The following SHISA9 variants were observed in gnomAD, a reference collection of about 807,000 sequenced individuals.
SHISA9 encodes the protein shisa family member 9.
A neutral mutation model predicts 38.0 loss-of-function variants in SHISA9; 13 were observed. The ratio of observed to expected loss-of-function variants is 0.34; its 90% confidence interval spans 0.22 to 0.54. SHISA9 has a LOEUF of 0.54. Ranked by LOEUF, SHISA9 falls within the 20% of genes least tolerant of loss-of-function variation. The pLI, the probability that SHISA9 is intolerant of heterozygous loss-of-function variation, is 0.91. For missense variants in SHISA9, 538 were observed against 575.8 expected (o/e 0.93, Z 0.67); for synonymous variants, 275 against 242.0 (o/e 1.14, Z -1.27).
chr16:13,145,633 G>A (rs530122027), intron 2 of SHISA9, among the ~76,000 whole-genome samples: 7 of 152,314 alleles, frequency 4.6e-5, no homozygotes, highest in Admixed American at 2.6e-4. Flanking sequence ...GGGAATAATC[G>A]TGATTTTTGT....
the SHISA9 span, among the ~76,000 whole-genome samples, chr16:13,520,284 T>C: frequency 6.6e-6 from 1 of 152,222 alleles, no homozygotes; most frequent in Admixed American, 6.5e-5. Context: ...GCTGCCATCA[T>C]TGATGGTGAT....
At chr16:13,268,643 C>T in the SHISA9 span, among the ~76,000 whole-genome samples, 2 of 152,172 alleles carry the variant, frequency 1.3e-5, no homozygotes, top group African/African-American at 4.8e-5. Context: ...GTCTTGTTCT[C>T]ATCCTCAATG....
the SHISA9 span, among the ~76,000 whole-genome samples, chr16:13,443,218 T>G: frequency 2.0e-5 from 3 of 152,270 alleles, no homozygotes; most frequent in Admixed American, 6.5e-5. Flanking sequence ...GAAGAGATTT[T>G]ATTGAGGTTG....
At chr16:13,076,133 C>T (rs140661738) in intron 2 of SHISA9, among the ~76,000 whole-genome samples, 89 of 151,314 alleles carry the variant, frequency 5.9e-4, no homozygotes, top group African/African-American at 2.0e-3. Flanking sequence ...CATGTTCAAG[C>T]GATTCTCCTG....
At chr16:13,470,859 G>A in the SHISA9 span, among the ~76,000 whole-genome samples, 7 of 151,926 alleles carry the variant, frequency 4.6e-5, no homozygotes, top group Non-Finnish European at 7.4e-5. Context: ...AAAAAACACC[G>A]TAAATCTTAG....
chr16:13,084,085 G>C (rs1334219192), intron 2 of SHISA9, among the ~76,000 whole-genome samples: 2 of 129,914 alleles, frequency 1.5e-5, no homozygotes, highest in Non-Finnish European at 3.3e-5. Flanking sequence ...TTATTCATAT[G>C]ATCATAGTTT....
intron 2 of SHISA9, among the ~76,000 whole-genome samples, chr16:13,011,881 A>G (rs1041664493): frequency 6.6e-6 from 1 of 151,032 alleles, no homozygotes; most frequent in African/African-American, 2.4e-5. Flanking sequence ...GCTGGAGTAC[A>G]GTGGCATGAT....
At chr16:13,443,711 T>C in the SHISA9 span, among the ~76,000 whole-genome samples, 1,965 of 152,338 alleles carry the variant, frequency 0.013, 59 homozygotes, top group African/African-American at 0.045. Context: ...GTTCTGCGAC[T>C]TCTATGACAC....
At chr16:12,951,847 G>A (rs763741058) in intron 2 of SHISA9, among the ~76,000 whole-genome samples, 26 of 152,222 alleles carry the variant, frequency 1.7e-4, no homozygotes, top group Non-Finnish European at 3.2e-4. Context: ...GGAGCTTGGA[G>A]TATGAAACAC....
chr16:13,286,171 C>T, the SHISA9 span, among the ~76,000 whole-genome samples: 236 of 152,242 alleles, frequency 1.6e-3, 5 homozygotes, highest in East Asian at 0.038. Context: ...CAATATTCAT[C>T]TTACATCTAT....
intron 1 of SHISA9, among the ~76,000 whole-genome samples, chr16:12,915,896 G>A (rs1355575257): frequency 6.6e-6 from 1 of 151,860 alleles, no homozygotes; most frequent in East Asian, 1.9e-4. Flanking sequence ...ACATGATGGA[G>A]TGTAAAGAGA....
the SHISA9 span, among the ~76,000 whole-genome samples, chr16:13,268,777 C>T: frequency 1.3e-5 from 2 of 152,036 alleles, no homozygotes; most frequent in Non-Finnish European, 2.9e-5. Context: ...AACATGCATC[C>T]AGAATAAAAA....
At chr16:13,089,538 A>G (rs771362350) in intron 2 of SHISA9, among the ~76,000 whole-genome samples, 1 of 152,198 alleles carries the variant, frequency 6.6e-6, no homozygotes, top group Non-Finnish European at 1.5e-5. Context: ...GGGAGAGTGT[A>G]TGTGTCAAGG....
chr16:13,342,308 A>ATT, the SHISA9 span, among the ~76,000 whole-genome samples: 1 of 149,142 alleles, frequency 6.7e-6, no homozygotes, highest in Non-Finnish European at 1.5e-5. Context: ...AGCTTCCTAC[A>ATT]TTTTTTTTTT....
the SHISA9 span, among the ~76,000 whole-genome samples, chr16:13,247,790 G>A: frequency 2.0e-5 from 3 of 152,036 alleles, no homozygotes; most frequent in Non-Finnish European, 4.4e-5. Flanking sequence ...AAGTTCAGAG[G>A]TTTCAGTTAG....
chr16:13,496,926 A>T, the SHISA9 span, among the ~76,000 whole-genome samples: 3 of 152,306 alleles, frequency 2.0e-5, no homozygotes, highest in African/African-American at 7.2e-5. Context: ...TAGTATTATT[A>T]AAATGTCACT....
At chr16:13,351,150 C>T in the SHISA9 span, among the ~76,000 whole-genome samples, 2 of 152,128 alleles carry the variant, frequency 1.3e-5, no homozygotes, top group Non-Finnish European at 2.9e-5. Flanking sequence ...CAGAATCACA[C>T]AGCAAAAAGT....
At chr16:13,037,125 C>CAG (rs1567190861) in intron 2 of SHISA9, among the ~76,000 whole-genome samples, 5 of 147,034 alleles carry the variant, frequency 3.4e-5, no homozygotes, top group East Asian at 4.0e-4. Context: ...CACACACACA[C>CAG]ACACACACAC....
rs563948192 is a variant in SHISA9 at position 13,015,440 on chromosome 16, C to A, written c.691+98625C>A. On this transcript the variant is annotated intron_variant, in intron 2 of 4. Transcript: ENST00000558583. ...GCTCAAAGATGTTAAACAATTTGCC[C>A]AACTGATGAGTGGGAGATCCGATGT... is the stretch of plus-strand genomic sequence containing the variant. Among the ~76,000 whole-genome samples the A allele has an allele frequency of 1.2e-4, 18 of 152,334 alleles. No homozygotes were observed. In the South Asian group the frequency reaches 3.5e-3, roughly 30 times the overall value.
Sources: gnomAD v4.1 joint callset for allele counts (sites outside exome capture counted in the v4.1 genomes callset) on GRCh38, gnomAD v4.1.1 for gene constraint, MANE v1.5 for transcripts, NCBI Gene and HGNC (gene_info 2026-07-23, HGNC 2026-07-21) for gene names.